Variants in SH3RF3 observed in about 807,000 individuals in gnomAD.
The protein encoded by SH3RF3 is SH3 domain containing ring finger 3.
SH3RF3 carries 29 observed loss-of-function variants against 66.3 expected under a neutral mutation model. The observed-to-expected ratio is 0.44, with a 90% CI of 0.33 to 0.60. The LOEUF is 0.60. SH3RF3 is among the 20% of genes least tolerant of loss of function. The pLI is 0.04. For synonymous variants in SH3RF3, 583 were observed against 532.0 expected, an observed-to-expected ratio of 1.10 and a Z score of -1.32; for missense variants, 1,194 against 1,190.9, an observed-to-expected ratio of 1.00 and a Z score of -0.04.
chr2:109,146,048 C>T (rs779442699), intron 1 of SH3RF3, among the ~76,000 whole-genome samples: 3 of 132,616 alleles, frequency 2.3e-5, no homozygotes, highest in African/African-American at 4.2e-5. Context: ...CCATGCGGGC[C>T]GAGGGAGTCC....
At chr2:109,360,008 A>T (rs1683022752) in intron 2 of SH3RF3, among the ~76,000 whole-genome samples, 1 of 151,362 alleles carries the variant, frequency 6.6e-6, no homozygotes, top group African/African-American at 2.4e-5. Flanking sequence ...ATGTTTCCTC[A>T]TCCACAGAGG....
At chr2:109,295,297 C>T (rs1325832825) in intron 1 of SH3RF3, among the ~76,000 whole-genome samples, 1 of 152,198 alleles carries the variant, frequency 6.6e-6, no homozygotes, top group Admixed American at 6.5e-5. Context: ...CTTGTCATCC[C>T]CAATTTGTAG....
chr2:109,372,395 C>T (rs1683292740), intron 3 of SH3RF3, among the ~76,000 whole-genome samples: 1 of 152,188 alleles, frequency 6.6e-6, no homozygotes, highest in African/African-American at 2.4e-5. Context: ...CAGTGCAAGG[C>T]CACATGTGCA....
chr2:109,422,997 A>G lies in SH3RF3; in HGVS notation c.1403+3355A>G, dbSNP rs11887779. 6.4e-3 allele frequency among the ~76,000 whole-genome samples: 970 copies of G among 152,298 alleles called. 13 individuals are homozygous for G. The highest frequency in any genetic ancestry group is 0.022 in the African/African-American group (919 of 41,566). On this transcript the variant is annotated intron_variant, in intron 5 of 9. Transcript: ENST00000309415. ...GTCCACGTACCTGCAATCTGAGAGC[A>G]ACGGAACTCTTGGCACAGAGCCTTG... is the stretch of plus-strand genomic sequence containing the variant.
intron 1 of SH3RF3, among the ~76,000 whole-genome samples, chr2:109,222,296 G>C (rs2105152339): frequency 6.6e-6 from 1 of 152,252 alleles, no homozygotes; most frequent in South Asian, 2.1e-4. Flanking sequence ...AGGGTGATTA[G>C]TTAACAACAA....
intron 2 of SH3RF3, among the ~76,000 whole-genome samples, chr2:109,368,180 T>C (rs1199083577): frequency 1.3e-5 from 2 of 152,254 alleles, no homozygotes; most frequent in African/African-American, 4.8e-5. Flanking sequence ...TTTTAAGTCT[T>C]TATACAGTAA....
At chr2:109,279,762 C>T (rs1680839886) in intron 1 of SH3RF3, among the ~76,000 whole-genome samples, 1 of 152,048 alleles carries the variant, frequency 6.6e-6, no homozygotes, top group Admixed American at 6.5e-5. Flanking sequence ...CGAAACTTCG[C>T]AGACGCTGAC....
intron 8 of SH3RF3, among the ~76,000 whole-genome samples, chr2:109,482,645 A>C (rs957274024): frequency 6.6e-6 from 1 of 152,170 alleles, no homozygotes; most frequent in Non-Finnish European, 1.5e-5. Flanking sequence ...GAGTGCTGTA[A>C]ATGGTAATAA....
intron 2 of SH3RF3, among the ~76,000 whole-genome samples, chr2:109,359,828 A>C (rs991696771): frequency 6.6e-6 from 1 of 152,188 alleles, no homozygotes; most frequent in African/African-American, 2.4e-5. Context: ...TATTTTCCAC[A>C]CATGCCCAGA....
chr2:109,167,674 C>T (rs182156253), intron 1 of SH3RF3, among the ~76,000 whole-genome samples: 66 of 152,264 alleles, frequency 4.3e-4, no homozygotes, highest in African/African-American at 1.5e-3. Context: ...TGGGTTCAAG[C>T]GATTCTCCTA....
At chr2:109,320,118 G>A (rs1382121200) in intron 1 of SH3RF3, among the ~76,000 whole-genome samples, 1 of 152,134 alleles carries the variant, frequency 6.6e-6, no homozygotes, top group East Asian at 1.9e-4. Context: ...TCCTACTAGT[G>A]CTCCTGTAAA....
intron 1 of SH3RF3, among the ~76,000 whole-genome samples, chr2:109,183,630 A>T (rs1326589707): frequency 6.6e-6 from 1 of 152,100 alleles, no homozygotes; most frequent in East Asian, 1.9e-4. Flanking sequence ...AACTTCTTTT[A>T]TCCTGCCCGT....
chr2:109,177,551 G>A (rs567441698), intron 1 of SH3RF3, among the ~76,000 whole-genome samples: 2 of 151,656 alleles, frequency 1.3e-5, no homozygotes, highest in South Asian at 4.2e-4. Flanking sequence ...ACCTGCTCTG[G>A]GGGGGGGCAC....
chr2:109,270,585 C>T (rs1011412239), intron 1 of SH3RF3, among the ~76,000 whole-genome samples: 5 of 152,156 alleles, frequency 3.3e-5, no homozygotes, highest in African/African-American at 4.8e-5. Context: ...CAGGTCAAAG[C>T]GGACTTCATC....
At chr2:109,247,784 T>C (rs1479945807) in intron 1 of SH3RF3, among the ~76,000 whole-genome samples, 1 of 152,214 alleles carries the variant, frequency 6.6e-6, no homozygotes, top group Non-Finnish European at 1.5e-5. Flanking sequence ...CCTTTTTATT[T>C]AACTCACTGT....
intron 8 of SH3RF3, among the ~76,000 whole-genome samples, chr2:109,463,026 G>C (rs1213675993): frequency 6.6e-6 from 1 of 152,190 alleles, no homozygotes; most frequent in Admixed American, 6.5e-5. Flanking sequence ...AACAGTGTAA[G>C]ATTTTGGTAT....
chr2:109,132,083 G>A (rs1340797528), intron 1 of SH3RF3, among the ~76,000 whole-genome samples: 1 of 152,178 alleles, frequency 6.6e-6, no homozygotes, highest in African/African-American at 2.4e-5. Context: ...CATTGGAATT[G>A]CTTGACTCCT....
chr2:109,138,012 G>T (rs7588387), intron 1 of SH3RF3, among the ~76,000 whole-genome samples: 121,592 of 152,122 alleles, frequency 0.8, 49,828 homozygotes, highest in Non-Finnish European at 0.89. Context: ...CATTTATTTC[G>T]CAGATCAAAA....
rs953140325 is a variant in SH3RF3 at position 109,142,047 on chromosome 2, G to T, written c.573+11934G>T. ...TTCTGGGGTCCTTGAGTCTCCTGGG[G>T]GGGGGGTCTCAGGTATGTGCCTAGA... On this transcript the variant is annotated intron_variant, in intron 1 of 9. Transcript: ENST00000309415. 4.0e-5 allele frequency among the ~76,000 whole-genome samples: 6 copies of T among 151,150 alleles called. No individual in the cohort carries two copies. The South Asian group carries it at 8.4e-4, about 21-fold the overall frequency.
Sources: gnomAD v4.1 joint callset for allele counts (sites outside exome capture counted in the v4.1 genomes callset) on GRCh38, gnomAD v4.1.1 for gene constraint, MANE v1.5 for transcripts, NCBI Gene and HGNC (gene_info 2026-07-23, HGNC 2026-07-21) for gene names.